Variants in GART observed in about 807,000 individuals in gnomAD.
The protein encoded by GART is trifunctional purine biosynthetic protein adenosine-3.
GART carries 43 observed loss-of-function variants against 107.2 expected under a neutral mutation model. The observed-to-expected ratio is 0.40, with a 90% CI of 0.31 to 0.52. The LOEUF is 0.52. Ranked by LOEUF, GART falls within the 20% of genes least tolerant of loss-of-function variation. The pLI is 0.52. For missense variants in GART, 1,107 were observed against 1,206.5 expected (o/e 0.92, Z 1.22); for synonymous variants, 434 against 427.0 (o/e 1.02, Z -0.20).
chr21:33,528,019 T>C (rs2085106733), intron 10 of GART, 148 bp downstream of exon 10: 1 of 642,618 alleles, frequency 1.6e-6, no homozygotes. Flanking sequence ...AACACACATA[T>C]CCAATAAGCA....
At position 33,522,390 on chromosome 21, in the gene GART, A is replaced by G. The variant is rs2084989622; in HGVS notation, c.1299-108T>C. On this transcript the variant is annotated intron_variant, in intron 11 of 21. Coordinates refer to ENST00000381815, the MANE Select transcript of GART (RefSeq NM_000819.5). The stretch of plus-strand genomic sequence containing the variant: ...CCCAAGTGATTTTCACATACCCTAA[A>G]GTGCTTAAATTTTTTTAAAGTCAGT... The G allele has an allele frequency of 6.9e-6, 6 of 864,668 alleles. No individual in the cohort carries two copies. The South Asian group carries it at 9.7e-5, about 14-fold the overall frequency. 53.6% of individuals were successfully genotyped at this position (864,668 alleles called of 1,614,324 possible). A position where few individuals can be genotyped will look rare whatever the true frequency, so the allele number is the denominator to read the frequency against.
chr21:33,538,713 T>C (rs2085350252), intron 2 of GART, among the ~76,000 whole-genome samples: 1 of 152,192 alleles, frequency 6.6e-6, no homozygotes, highest in South Asian at 2.1e-4. Context: ...TTATAACATA[T>C]TGGCAAGCAT....
intron 19 of GART, 74 bp downstream of exon 19, chr21:33,505,900 G>T (rs2145670487): frequency 6.3e-7 from 1 of 1,579,174 alleles, no homozygotes; most frequent in South Asian, 1.2e-5. Context: ...AGTGCCCATA[G>T]ACCAGGGTCC....
In GART at chr21:33,511,251, C is replaced by T. The variant is rs772748293; in HGVS notation, c.2314+1G>A. On this transcript the variant is annotated splice_donor_variant, in intron 17 of 21. Transcript: ENST00000381815. LOFTEE classifies it high-confidence loss of function. Reference sequence around the variant, plus strand: ...TCTAAAAATGAGTAAGGAGCAAGTACCTTCAGCTCGTGCAACCACACTGCC... The same window carrying T: ...TCTAAAAATGAGTAAGGAGCAAGTATCTTCAGCTCGTGCAACCACACTGCC... 6.2e-7 allele frequency: 1 copy of T among 1,614,044 alleles called. No individual in the cohort carries two copies. Among genetic ancestry groups the T allele is most frequent in the Admixed American group, 1.7e-5 (1 of 60,016 alleles).
chr21:33,524,665 G>C, intron 11 of GART, 104 bp downstream of exon 11: 2 of 1,524,464 alleles, frequency 1.3e-6, no homozygotes, highest in Admixed American at 2.1e-5. Context: ...CTCCCACAGA[G>C]AGAAAAGAAT....
At chr21:33,521,091 A>G in intron 12 of GART, 76 bp from the exon 13 acceptor site, 2 of 1,200,396 alleles carry the variant, frequency 1.7e-6, no homozygotes, top group Non-Finnish European at 2.4e-6. Context: ...CTACTAGTTT[A>G]AAAAAACCAG....
In GART at chr21:33,517,401, T is replaced by C. The variant is rs2084898011; in HGVS notation, c.1910A>G (p.Gln637Arg). 1.2e-6 allele frequency: 2 copies of C among 1,614,170 alleles called. No homozygotes were observed. Among genetic ancestry groups the C allele is most frequent in the Non-Finnish European group, 1.7e-6 (2 of 1,180,030 alleles). Residue 637 changes from glutamine (Q) to arginine (R), a missense_variant, in exon 15 of 22, where the codon CAG becomes CGG. Gln to Arg is a conservative substitution (Grantham distance 43, BLOSUM62 1). Transcript: ENST00000381815. ...ACCATCAGGTGCTGGAGAGGAGTAC[T>C]GGAGGGAAGATTTTGCCACGATTTT... ...VRKIVAKSSL[Q>R]YSSPAPDGCG... is the part of the protein sequence containing the mutation.
chr21:33,505,423 A>G (rs1440730683), intron 20 of GART, 138 bp downstream of exon 20: 1 of 627,776 alleles, frequency 1.6e-6, no homozygotes, highest in Non-Finnish European at 2.7e-6. Flanking sequence ...GTGTTAAAGT[A>G]TTAATAAAAT....
At chr21:33,526,124 C>A (rs1303404271) in intron 10 of GART, among the ~76,000 whole-genome samples, 1 of 151,782 alleles carries the variant, frequency 6.6e-6, no homozygotes, top group African/African-American at 2.4e-5. Flanking sequence ...CTGCCTGGGC[C>A]TCCCAAAGTG....
chr21:33,531,000 T>C (rs2085177071), intron 6 of GART, 116 bp from the exon 7 acceptor site: 1 of 996,272 alleles, frequency 1.0e-6, no homozygotes, highest in East Asian at 3.3e-5. Context: ...TTGTTTTTTT[T>C]TTTGCAGAGA....
chr21:33,519,837 TAAA>T (rs1569019901), intron 14 of GART, among the ~76,000 whole-genome samples: 8 of 146,464 alleles, frequency 5.5e-5, no homozygotes, highest in Non-Finnish European at 6.0e-5. Context: ...TTTTTTTTTT[TAAA>T]TTAAAAAAAG....
intron 2 of GART, among the ~76,000 whole-genome samples, chr21:33,537,388 T>G (rs2085325782): frequency 6.6e-6 from 1 of 152,220 alleles, no homozygotes; most frequent in Non-Finnish European, 1.5e-5. Flanking sequence ...CCATAAATAT[T>G]ATGTGCCACA....
intron 1 of GART, among the ~76,000 whole-genome samples, chr21:33,541,572 C>A (rs2085426474): frequency 1.3e-5 from 2 of 152,208 alleles, no homozygotes; most frequent in South Asian, 4.1e-4. Context: ...CGCCTGGGCT[C>A]CTGAGTCTCA....
At chr21:33,538,756 A>G (rs2085350552) in intron 2 of GART, among the ~76,000 whole-genome samples, 1 of 152,114 alleles carries the variant, frequency 6.6e-6, no homozygotes. Context: ...AGGTCAAGGA[A>G]AGCACTCAAC....
At chr21:33,518,820 T>C in intron 14 of GART, 2 of 525,958 alleles carry the variant, frequency 3.8e-6, no homozygotes, top group South Asian at 1.4e-5. Context: ...CTAGTCAGAT[T>C]GTCTGCACCA....
At chr21:33,523,263 A>G (rs1481760004) in intron 11 of GART, among the ~76,000 whole-genome samples, 2 of 152,248 alleles carry the variant, frequency 1.3e-5, no homozygotes, top group African/African-American at 4.8e-5. Flanking sequence ...AAAAGCTGCC[A>G]GAATACAGTT....
At chr21:33,530,718 C>T in intron 7 of GART, 41 bp downstream of exon 7, 1 of 1,361,232 alleles carries the variant, frequency 7.3e-7, no homozygotes, top group Non-Finnish European at 9.5e-7. Flanking sequence ...TCTGAGAAAA[C>T]CAAACTACTA....
chr21:33,532,192 G>A, intron 5 of GART, 153 bp downstream of exon 5: 1 of 640,834 alleles, frequency 1.6e-6, no homozygotes, highest in Non-Finnish European at 2.8e-6. Flanking sequence ...CTATTTTATA[G>A]AGATGGATTA....
At position 33,521,100 on chromosome 21, in the gene GART, A is replaced by G. The variant is rs894726088; in HGVS notation, c.1394-85T>C. 5 of 1,097,522 alleles carry G rather than the reference A, an allele frequency of 4.6e-6. No homozygotes were observed. In the South Asian group the frequency reaches 5.5e-5, roughly 12 times the overall value. 68.0% of individuals were successfully genotyped at this position (1,097,522 alleles called of 1,614,324 possible). A position where few individuals can be genotyped will look rare whatever the true frequency, so the allele number is the denominator to read the frequency against. ...AAATGTCTACTAGTTTAAAAAAACCAGTATATTTAGCGGCCTGTGAGATGT... is the reference window on the plus strand; with the variant it reads ...AAATGTCTACTAGTTTAAAAAAACCGGTATATTTAGCGGCCTGTGAGATGT... On this transcript the variant is annotated intron_variant, in intron 12 of 21. Coordinates refer to ENST00000381815, the MANE Select transcript of GART (RefSeq NM_000819.5).
Sources: allele counts gnomAD v4.1 joint callset (sites outside exome capture counted in the v4.1 genomes callset), GRCh38; gene constraint gnomAD v4.1.1; transcripts MANE v1.5; gene names NCBI Gene and HGNC (gene_info 2026-07-23, HGNC 2026-07-21).